The following FOXN3 variants were observed in gnomAD, a reference collection of about 807,000 sequenced individuals.
FOXN3 encodes the protein forkhead box N3, also known as forkhead box protein N3.
In FOXN3, 7 loss-of-function variants were observed where a neutral mutation model predicts 38.4. The ratio of observed to expected loss-of-function variants is 0.18; its 90% confidence interval spans 0.10 to 0.34. The LOEUF is 0.34. FOXN3 is among the 10% of genes least tolerant of loss of function. FOXN3 has a pLI of 1.00. For synonymous variants in FOXN3, 230 were observed against 242.2 expected (o/e 0.95, Z 0.47); for missense variants, 456 against 613.4 (o/e 0.74, Z 2.71).
intron 1 of FOXN3, among the ~76,000 whole-genome samples, chr14:89,448,146 T>C (rs562412431): frequency 6.6e-6 from 1 of 152,306 alleles, no homozygotes; most frequent in East Asian, 1.9e-4. Flanking sequence ...ATTAAAGATA[T>C]ACTGTTAGCC....
At chr14:89,454,548 C>T (rs1306412620) in intron 1 of FOXN3, among the ~76,000 whole-genome samples, 1 of 152,166 alleles carries the variant, frequency 6.6e-6, no homozygotes, top group Non-Finnish European at 1.5e-5. Flanking sequence ...TCATTTGTAA[C>T]AGAGAAAAAC....
At chr14:89,208,563 TA>T (rs1888444960) in intron 4 of FOXN3, among the ~76,000 whole-genome samples, 1 of 152,204 alleles carries the variant, frequency 6.6e-6, no homozygotes, top group South Asian at 2.1e-4. Context: ...TCTTTCACTT[TA>T]AAAATGCTGA....
At chr14:89,261,134 C>T (rs1291334520) in intron 4 of FOXN3, among the ~76,000 whole-genome samples, 1 of 152,180 alleles carries the variant, frequency 6.6e-6, no homozygotes, top group Non-Finnish European at 1.5e-5. Flanking sequence ...GGGGCCAAGT[C>T]CAGGCAGGCC....
intron 4 of FOXN3, among the ~76,000 whole-genome samples, chr14:89,277,224 A>G (rs1315038563): frequency 1.3e-5 from 2 of 152,248 alleles, no homozygotes; most frequent in African/African-American, 2.4e-5. Flanking sequence ...CGTTTCAAAC[A>G]CATAGAGACC....
intron 2 of FOXN3, among the ~76,000 whole-genome samples, chr14:89,387,153 G>A (rs1890812577): frequency 6.6e-6 from 1 of 152,212 alleles, no homozygotes; most frequent in Non-Finnish European, 1.5e-5. Context: ...CTACTCGGGA[G>A]GCTGAGGCAC....
chr14:89,315,152 C>A, intron 3 of FOXN3, among the ~76,000 whole-genome samples: 1 of 151,918 alleles, frequency 6.6e-6, no homozygotes, highest in Non-Finnish European at 1.5e-5. Context: ...TGCCCAGGGC[C>A]CAGCATCATT....
chr14:89,356,160 G>A (rs1048124490), intron 2 of FOXN3, among the ~76,000 whole-genome samples: 1 of 152,184 alleles, frequency 6.6e-6, no homozygotes, highest in African/African-American at 2.4e-5. Flanking sequence ...CACTTTGGGA[G>A]GCCGAGGTGG....
intron 1 of FOXN3, among the ~76,000 whole-genome samples, chr14:89,469,675 C>T (rs1463801366): frequency 1.3e-5 from 2 of 152,128 alleles, no homozygotes; most frequent in African/African-American, 2.4e-5. Flanking sequence ...AGTGGATGAA[C>T]GGAGCAGGAG....
intron 1 of FOXN3, among the ~76,000 whole-genome samples, chr14:89,455,306 A>T (rs1224309865): frequency 6.6e-6 from 1 of 152,252 alleles, no homozygotes; most frequent in Non-Finnish European, 1.5e-5. Flanking sequence ...CTCCGCTAGC[A>T]TCATCTGGAG....
At chr14:89,596,198 C>T (rs961960786) in intron 1 of FOXN3, among the ~76,000 whole-genome samples, 5 of 152,144 alleles carry the variant, frequency 3.3e-5, no homozygotes, top group African/African-American at 1.2e-4. Flanking sequence ...AGTGCAGTGG[C>T]ACAATCTCGG....
chr14:89,282,527 C>T (rs933892345), intron 3 of FOXN3, among the ~76,000 whole-genome samples: 8 of 152,150 alleles, frequency 5.3e-5, no homozygotes, highest in African/African-American at 1.7e-4. Flanking sequence ...GAATAATGTG[C>T]ATTAAAATAC....
intron 4 of FOXN3, 74 bp downstream of exon 4, chr14:89,280,876 A>G: frequency 7.6e-7 from 1 of 1,324,118 alleles, no homozygotes; most frequent in South Asian, 1.2e-5. Flanking sequence ...CCTATTTGAC[A>G]CCAAGCACAA....
At chr14:89,392,367 T>C (rs375360743) in intron 2 of FOXN3, among the ~76,000 whole-genome samples, 33 of 152,344 alleles carry the variant, frequency 2.2e-4, no homozygotes, top group African/African-American at 6.7e-4. Context: ...TTTCTGTTGC[T>C]CTGTTCCCAG....
rs1366673262 is a variant in FOXN3, at chr14:89,156,527, A to C, written c.*5887T>G. The C allele has an allele frequency of 1.3e-5, 2 of 152,610 alleles. No homozygotes were observed. The highest frequency in any genetic ancestry group is 3.8e-4 in the East Asian group (2 of 5,204). 9.5% of individuals were successfully genotyped at this position (152,610 alleles called of 1,614,324 possible). On this transcript the variant is annotated 3_prime_UTR_variant, in exon 6 of 6. Transcript: ENST00000557258. ...CAGAAAAAAAATTGGCTTTTGAAAA[A>C]TTATTACTCTCGTAAATTAATTTGG...
At chr14:89,445,662 G>A (rs1003563688) in intron 1 of FOXN3, among the ~76,000 whole-genome samples, 4 of 152,010 alleles carry the variant, frequency 2.6e-5, no homozygotes, top group Admixed American at 2.6e-4. Context: ...AAATCCCCCA[G>A]GGTCCTCAGA....
rs139705919 is a variant in FOXN3, at chr14:89,162,645, G to A, written c.1176C>T (p.Tyr392=). ...GCTGGCGCTTCTTGTGCTGGGATGC[G>A]TACCCGCTGTCCCCCAGAGAATCCT... ...EPKDSLGDSG[Y]ASQHKKRQHF... is the part of the protein sequence containing the mutation. The change falls in exon 6 of 6, where the codon TAC becomes TAT. Residue 392 remains tyrosine, a synonymous_variant. Transcript: ENST00000557258. This position sits in a 1 kb window ranked among gnomAD's most constrained non-coding sequence, Gnocchi z 7.2. 2.2e-4 allele frequency: 351 copies of A among 1,613,900 alleles called. No individual in the cohort carries two copies. The African/African-American group carries it at 2.8e-3, about 13-fold the overall frequency.
At position 89,600,443 on chromosome 14, in the gene FOXN3, G is replaced by A. The variant is rs533615449; in HGVS notation, c.-15+18585C>T. Among the ~76,000 whole-genome samples the A allele has an allele frequency of 3.7e-4, 56 of 152,242 alleles. No individual in the cohort carries two copies. In the South Asian group the frequency reaches 6.0e-3, roughly 16 times the overall value. ...GATGCCCCATGGAAATTCCACTGTTGTTTGTAGGGCCCCTTCTAATCTCCT... is the reference window on the plus strand; with the variant it reads ...GATGCCCCATGGAAATTCCACTGTTATTTGTAGGGCCCCTTCTAATCTCCT... On this transcript the variant is annotated intron_variant, in intron 1 of 6. Coordinates refer to the FOXN3 transcript ENST00000345097.
At chr14:89,568,796 C>CA (rs1401565623) in intron 1 of FOXN3, among the ~76,000 whole-genome samples, 4 of 152,122 alleles carry the variant, frequency 2.6e-5, no homozygotes, top group Admixed American at 2.0e-4. Flanking sequence ...ATTTATTTCC[C>CA]AAAAAAAGTC....
intron 1 of FOXN3, among the ~76,000 whole-genome samples, chr14:89,506,536 G>A (rs1315394229): frequency 6.6e-5 from 10 of 150,734 alleles, no homozygotes; most frequent in East Asian, 2.0e-4. Context: ...CAGCCACCCC[G>A]TCCGGGAGGT....
Sources: allele counts gnomAD v4.1 joint callset (sites outside exome capture counted in the v4.1 genomes callset), GRCh38; gene constraint gnomAD v4.1.1; non-coding constraint Gnocchi (gnomAD v3.1); transcripts MANE v1.5; gene names NCBI Gene and HGNC (gene_info 2026-07-23, HGNC 2026-07-21).